The following ESPNL variants were observed in gnomAD, a reference collection of about 807,000 sequenced individuals.
The protein encoded by ESPNL is espin-like protein.
ESPNL carries 49 observed loss-of-function variants against 46.8 expected under a neutral mutation model. The ratio of observed to expected loss-of-function variants is 1.05; its 90% confidence interval spans 0.83 to 1.33. The LOEUF is 1.33. Among genes scored for constraint, ESPNL ranks in the 40% most tolerant of loss-of-function variants. ESPNL has a pLI of 0.00. For synonymous variants in ESPNL, 664 were observed against 662.1 expected (o/e 1.00, Z -0.04); for missense variants, 1,540 against 1,436.6 (o/e 1.07, Z -1.16).
At chr2:238,127,380 G>T (rs1692162621) in intron 6 of ESPNL, 2 of 1,288,362 alleles carry the variant, frequency 1.6e-6, no homozygotes, top group Non-Finnish European at 2.0e-6. Context: ...AGGGGCCGCG[G>T]CGTGGCCCAG....
chr2:238,100,469 CGTT>C lies in ESPNL; in HGVS notation c.52_54del (p.Leu18del), dbSNP rs777589555. 9 of 1,604,846 alleles carry C rather than the reference CGTT, an allele frequency of 5.6e-6. No homozygotes were observed. In the East Asian group the frequency reaches 6.7e-5, roughly 12 times the overall value. ...GCCGCCAAGGATGGGGATGTGGCGA[CGTT>C]GGAGCGGCTGCTGGAGGCTGGCGCC... On this transcript the variant is annotated inframe_deletion, in exon 1 of 9. Coordinates refer to ENST00000343063, the MANE Select transcript of ESPNL (RefSeq NM_194312.4).
chr2:238,107,227 C>T (rs1691615971), intron 3 of ESPNL, among the ~76,000 whole-genome samples: 1 of 152,198 alleles, frequency 6.6e-6, no homozygotes, highest in African/African-American at 2.4e-5. Context: ...ACAGCAGGGG[C>T]CCTTCAGAAG....
At chr2:238,109,557 G>T (rs1316568279) in intron 4 of ESPNL, among the ~76,000 whole-genome samples, 1 of 152,074 alleles carries the variant, frequency 6.6e-6, no homozygotes, top group Non-Finnish European at 1.5e-5. Flanking sequence ...GTCTCACTGT[G>T]CTGAGCCCAG....
At chr2:238,124,557 G>A (rs62197367) in intron 5 of ESPNL, among the ~76,000 whole-genome samples, 51,640 of 150,738 alleles carry the variant, frequency 0.34, 9,612 homozygotes, top group African/African-American at 0.49. Context: ...GTGTACGTGC[G>A]TGTGTGCAGG....
intron 4 of ESPNL, among the ~76,000 whole-genome samples, chr2:238,108,932 A>C (rs913001858): frequency 2.0e-5 from 3 of 152,072 alleles, no homozygotes; most frequent in Admixed American, 1.3e-4. Context: ...GAGGAAACCC[A>C]ATCCCCCCTC....
intron 4 of ESPNL, among the ~76,000 whole-genome samples, chr2:238,109,901 A>G (rs1171439878): frequency 1.3e-5 from 2 of 149,056 alleles, no homozygotes; most frequent in Non-Finnish European, 3.0e-5. Flanking sequence ...CTGTCCCAGG[A>G]TCCCATTTAG....
rs1486961127 is a variant in ESPNL at position 238,114,912 on chromosome 2, A to T, written c.856-1991A>T. ...CGGCGGCCCCCGGGCTGAGCTGCTT[A>T]CTCTCTGGAGGGCAGCACGGCACCC... On this transcript the variant is annotated intron_variant, in intron 4 of 8. Transcript: ENST00000343063. The surrounding 1 kb of genome is among the most constrained non-coding windows in gnomAD (Gnocchi z 5.0). 6.6e-6 allele frequency among the ~76,000 whole-genome samples: 1 copy of T among 152,064 alleles called. No individual in the cohort carries two copies. The highest frequency in any genetic ancestry group is 1.9e-4 in the East Asian group (1 of 5,172).
intron 5 of ESPNL, among the ~76,000 whole-genome samples, chr2:238,121,346 G>T (rs1025280274): frequency 2.0e-5 from 3 of 152,178 alleles, no homozygotes; most frequent in Non-Finnish European, 4.4e-5. Context: ...ACCCCCACCC[G>T]CCAGCACTGG....
chr2:238,118,136 A>T (rs1691857788), intron 5 of ESPNL, among the ~76,000 whole-genome samples: 1 of 120,782 alleles, frequency 8.3e-6, no homozygotes, highest in Non-Finnish European at 1.7e-5. Flanking sequence ...GTGGAGAAGG[A>T]ATGGATGGAG....
intron 4 of ESPNL, 148 bp downstream of exon 4, chr2:238,108,121 T>C: frequency 1.3e-6 from 1 of 772,638 alleles, no homozygotes; most frequent in Non-Finnish European, 2.0e-6. Context: ...CACTGTCACT[T>C]GCCCAAGGTC....
chr2:238,130,984 C>A lies in ESPNL; in HGVS notation c.2270C>A (p.Ala757Asp). The A allele has an allele frequency of 6.5e-7, 1 of 1,547,956 alleles. No individual in the cohort carries two copies. The highest frequency in any genetic ancestry group is 8.7e-7 in the Non-Finnish European group (1 of 1,146,968). ...TGGAGGAGATCGGCCTACACGCCGG[C>A]CCTCAAGACAGTGGCCTGCAGGACC... ...SHWRRSAYTP[A>D]LKTVACRTLG... Residue 757 changes from alanine to aspartate, a missense_variant, in exon 9 of 9, where the codon GCC becomes GAC. Physicochemically the swap from Ala to Asp is moderately radical, Grantham distance 126 (BLOSUM62 -2). Coordinates refer to ENST00000343063, the MANE Select transcript of ESPNL (RefSeq NM_194312.4).
Position 238,130,354 on chromosome 2 carries a change from G to T in ESPNL, c.1640G>T (p.Ser547Ile). Residue 547 changes from serine to isoleucine, a missense_variant, in exon 9 of 9, where the codon AGC (serine) becomes ATC (isoleucine). Coordinates refer to ENST00000343063, the MANE Select transcript of ESPNL (RefSeq NM_194312.4). ...LQALLPEPLV[S>I]ITVNSHFLPR... is the part of the protein sequence containing the mutation. ...GCCCTGCTGCCCGAGCCCCTGGTCA[G>T]CATCACGGTCAACAGCCACTTCCTG... is the stretch of plus-strand genomic sequence containing the variant. 1 of 1,610,104 alleles carries T rather than the reference G, an allele frequency of 6.2e-7. No homozygotes were observed.
At chr2:238,111,413 C>T (rs78448929) in intron 4 of ESPNL, among the ~76,000 whole-genome samples, 12 of 152,270 alleles carry the variant, frequency 7.9e-5, no homozygotes, top group East Asian at 3.9e-4. Context: ...AAAACTGAGA[C>T]GCTATGGCCA....
chr2:238,129,488 C>T (rs1413865097), intron 8 of ESPNL, among the ~76,000 whole-genome samples: 1 of 152,108 alleles, frequency 6.6e-6, no homozygotes, highest in East Asian at 1.9e-4. Flanking sequence ...GGAGTGGGCG[C>T]CTGAGGTTGG....
At chr2:238,118,780 G>A (rs140059611) in intron 5 of ESPNL, among the ~76,000 whole-genome samples, 1 of 36,548 alleles carries the variant, frequency 2.7e-5, no homozygotes, top group Non-Finnish European at 4.6e-5. Context: ...TGGAGGAGGG[G>A]AGATGGAGGA....
chr2:238,111,815 G>T (rs1691722933), intron 4 of ESPNL, among the ~76,000 whole-genome samples: 1 of 152,056 alleles, frequency 6.6e-6, no homozygotes, highest in African/African-American at 2.4e-5. Flanking sequence ...AGAATACCTG[G>T]ATCTACCCTG....
At chr2:238,105,313 G>A (rs1348717352) in intron 3 of ESPNL, among the ~76,000 whole-genome samples, 1 of 152,098 alleles carries the variant, frequency 6.6e-6, no homozygotes, top group Non-Finnish European at 1.5e-5. Context: ...AGTGGCTGAG[G>A]TTGGGGAGGT....
intron 5 of ESPNL, among the ~76,000 whole-genome samples, chr2:238,124,675 GTGTGTGTGCAGGAGAGTACGTGCA>G (rs771283428): frequency 0.16 from 22,875 of 145,084 alleles, 2,046 homozygotes; most frequent in East Asian, 0.2. Context: ...GTGTACATGT[GTGTGTGTGCAGGAGAGTACGTGCA>G]TGTGTGTGCA....
intron 6 of ESPNL, among the ~76,000 whole-genome samples, chr2:238,127,090 TTG>T (rs555919031): frequency 0.023 from 2,340 of 102,502 alleles, 58 homozygotes; most frequent in African/African-American, 0.11. Flanking sequence ...GTGTGTATGA[TTG>T]TGTCTGTGTC....
Sources: allele counts gnomAD v4.1 joint callset (sites outside exome capture counted in the v4.1 genomes callset), GRCh38; gene constraint gnomAD v4.1.1; non-coding constraint Gnocchi (gnomAD v3.1); transcripts MANE v1.5; gene names NCBI Gene and HGNC (gene_info 2026-07-23, HGNC 2026-07-21).